Variants in DPP10 observed in about 807,000 individuals in gnomAD.
DPP10 encodes the protein dipeptidyl peptidase like 10.
In DPP10, 33 loss-of-function variants were observed where a neutral mutation model predicts 120.9. The ratio of observed to expected loss-of-function variants is 0.27; its 90% CI spans 0.21 to 0.37. The LOEUF (loss-of-function observed/expected upper bound fraction) is 0.37. DPP10 is among the 10% of genes least tolerant of loss of function. The pLI, the probability that DPP10 is intolerant of heterozygous loss-of-function variation, is 1.00. For missense variants in DPP10, 816 were observed against 942.8 expected (o/e 0.87, Z 1.76); for synonymous variants, 337 against 326.1 (o/e 1.03, Z -0.36).
chr2:115,227,995 C>G (rs950550468), intron 1 of DPP10, among the ~76,000 whole-genome samples: 2 of 149,308 alleles, frequency 1.3e-5, no homozygotes, highest in East Asian at 2.0e-4. Context: ...GATCGTGGCT[C>G]TCTGCAGCCT....
At chr2:114,970,620 T>C (rs1699332326) in intron 1 of DPP10, among the ~76,000 whole-genome samples, 1 of 152,222 alleles carries the variant, frequency 6.6e-6, no homozygotes, top group African/African-American at 2.4e-5. Context: ...TAAGCAGAAC[T>C]ACTCATGGAT....
At chr2:115,059,072 C>T (rs1321119439) in intron 1 of DPP10, among the ~76,000 whole-genome samples, 1 of 151,910 alleles carries the variant, frequency 6.6e-6, no homozygotes, top group African/African-American at 2.4e-5. Flanking sequence ...TCAGTCATTC[C>T]GCTGAGGGTT....
chr2:115,199,752 A>T (rs979770076), intron 1 of DPP10, among the ~76,000 whole-genome samples: 1 of 152,190 alleles, frequency 6.6e-6, no homozygotes, highest in East Asian at 1.9e-4. Flanking sequence ...TAGGCATTGT[A>T]TTATGATTTG....
intron 5 of DPP10, among the ~76,000 whole-genome samples, chr2:115,526,856 T>G (rs1419363259): frequency 6.6e-6 from 1 of 152,144 alleles, no homozygotes; most frequent in African/African-American, 2.4e-5. Flanking sequence ...AGGTTATATT[T>G]TTTGACTTAA....
intron 1 of DPP10, among the ~76,000 whole-genome samples, chr2:114,586,260 C>G (rs1453107920): frequency 6.6e-6 from 1 of 152,076 alleles, no homozygotes; most frequent in Non-Finnish European, 1.5e-5. Context: ...CAAAAACAAG[C>G]AAGCAAGCGA....
At chr2:115,331,467 G>A (rs1251702937) in intron 2 of DPP10, among the ~76,000 whole-genome samples, 2 of 152,144 alleles carry the variant, frequency 1.3e-5, no homozygotes. Context: ...ATGTTGAATA[G>A]GAGTGGTGAA....
At chr2:115,655,017 G>C (rs2088165862) in intron 5 of DPP10, among the ~76,000 whole-genome samples, 1 of 151,156 alleles carries the variant, frequency 6.6e-6, no homozygotes, top group Non-Finnish European at 1.5e-5. Flanking sequence ...TCTCTTTTTG[G>C]ATGCTTTTAA....
intron 1 of DPP10, among the ~76,000 whole-genome samples, chr2:114,573,171 C>T (rs1033776525): frequency 1.3e-5 from 2 of 152,132 alleles, no homozygotes; most frequent in Admixed American, 6.5e-5. Flanking sequence ...TTTGTAGAGA[C>T]AGCATCTTGC....
At chr2:114,630,521 ATATAT>A (rs750918161) in intron 1 of DPP10, among the ~76,000 whole-genome samples, 8 of 152,104 alleles carry the variant, frequency 5.3e-5, no homozygotes, top group Non-Finnish European at 8.8e-5. Context: ...GAGAAGACAA[ATATAT>A]TATTATTACG....
At chr2:114,694,079 G>A (rs1483687261) in intron 1 of DPP10, among the ~76,000 whole-genome samples, 5 of 151,922 alleles carry the variant, frequency 3.3e-5, no homozygotes, top group African/African-American at 7.2e-5. Flanking sequence ...AGACAGTAGG[G>A]TAAGATAGAG....
intron 7 of DPP10, among the ~76,000 whole-genome samples, chr2:115,715,425 A>C (rs1042698587): frequency 2.6e-5 from 4 of 151,824 alleles, no homozygotes; most frequent in Non-Finnish European, 5.9e-5. Context: ...ACCATGGCTC[A>C]TCTGAAGCCT....
intron 1 of DPP10, among the ~76,000 whole-genome samples, chr2:115,172,803 T>C (rs1278801242): frequency 6.6e-6 from 1 of 152,196 alleles, no homozygotes; most frequent in African/African-American, 2.4e-5. Context: ...CGATGGAAAA[T>C]CAAACTATGT....
chr2:115,804,658 C>T (rs1317337361), intron 19 of DPP10, among the ~76,000 whole-genome samples: 1 of 152,168 alleles, frequency 6.6e-6, no homozygotes, highest in African/African-American at 2.4e-5. Context: ...CAGTCAGGAC[C>T]CTCAGCTGCA....
intron 2 of DPP10, among the ~76,000 whole-genome samples, chr2:115,311,532 G>A (rs1428441302): frequency 6.6e-6 from 1 of 152,084 alleles, no homozygotes; most frequent in African/African-American, 2.4e-5. Context: ...AGTCTCCTGG[G>A]GTCAAATTAT....
At chr2:114,657,486 C>A (rs1697054065) in intron 1 of DPP10, among the ~76,000 whole-genome samples, 1 of 152,142 alleles carries the variant, frequency 6.6e-6, no homozygotes, top group African/African-American at 2.4e-5. Context: ...TTGTCAGCTC[C>A]ATATACTAAT....
At chr2:114,559,891 C>CAAAAAAA (rs60833358) in intron 1 of DPP10, among the ~76,000 whole-genome samples, 19 of 65,944 alleles carry the variant, frequency 2.9e-4, no homozygotes, top group South Asian at 6.9e-4. Context: ...AGAAAAAAAG[C>CAAAAAAA]AAAAAAAAAA....
intron 5 of DPP10, among the ~76,000 whole-genome samples, chr2:115,540,855 G>A (rs1446966268): frequency 6.6e-6 from 1 of 151,762 alleles, no homozygotes. Flanking sequence ...CATTTAATAT[G>A]TATGCCTGTA....
chr2:114,469,853 T>C (rs555166708), intron 1 of DPP10, among the ~76,000 whole-genome samples: 27 of 152,284 alleles, frequency 1.8e-4, no homozygotes, highest in Non-Finnish European at 3.4e-4. Context: ...AAAAGCTAGC[T>C]GCACAGAGCA....
At chr2:115,318,567 T>A (rs2106086250) in intron 2 of DPP10, among the ~76,000 whole-genome samples, 1 of 152,266 alleles carries the variant, frequency 6.6e-6, no homozygotes, top group South Asian at 2.1e-4. Context: ...GAATGTCTTT[T>A]CATTCTGGAA....
Sources: allele counts gnomAD v4.1 joint callset (sites outside exome capture counted in the v4.1 genomes callset), GRCh38; gene constraint gnomAD v4.1.1; transcripts MANE v1.5; gene names NCBI Gene and HGNC (gene_info 2026-07-23, HGNC 2026-07-21).